The following CSMD3 variants were observed in gnomAD, a reference collection of about 807,000 sequenced individuals.
CSMD3 encodes the protein CUB and Sushi multiple domains 3.
A neutral mutation model predicts 435.2 loss-of-function variants in CSMD3; 177 were observed. The ratio of observed to expected loss-of-function variants is 0.41; its 90% CI spans 0.36 to 0.46. The LOEUF (loss-of-function observed/expected upper bound fraction) is 0.46. Ranked by LOEUF, CSMD3 falls within the 20% of genes least tolerant of loss-of-function variation. The pLI is 0.34. For missense variants in CSMD3, 4,265 were observed against 4,504.6 expected, an observed-to-expected ratio of 0.95 and a Z score of 1.52; for synonymous variants, 1,656 against 1,520.5, an observed-to-expected ratio of 1.09 and a Z score of -2.07.
chr8:112,576,557 A>G (rs989739870), intron 23 of CSMD3, among the ~76,000 whole-genome samples: 9 of 151,684 alleles, frequency 5.9e-5, no homozygotes, highest in African/African-American at 2.2e-4. Flanking sequence ...TTTTTTTGAC[A>G]GGGTGTCTGT....
intron 3 of CSMD3, among the ~76,000 whole-genome samples, chr8:113,222,549 C>T (rs372404043): frequency 6.6e-5 from 10 of 150,972 alleles, no homozygotes; most frequent in East Asian, 3.9e-4. Context: ...AAGAATTTTA[C>T]GAGGAGAAAT....
chr8:112,782,966 A>G (rs1010768396), intron 13 of CSMD3, among the ~76,000 whole-genome samples: 1 of 152,118 alleles, frequency 6.6e-6, no homozygotes, highest in African/African-American at 2.4e-5. Flanking sequence ...ATCTGAAAGA[A>G]AAAAATGTTA....
At chr8:112,935,760 G>A (rs2083262556) in intron 9 of CSMD3, among the ~76,000 whole-genome samples, 1 of 151,752 alleles carries the variant, frequency 6.6e-6, no homozygotes, top group Non-Finnish European at 1.5e-5. Context: ...TATTCTAACT[G>A]CAAGGGGGAA....
chr8:113,153,126 A>AAAGAAGGAAGGAAG (rs1429322418), intron 4 of CSMD3, among the ~76,000 whole-genome samples: 3 of 64,070 alleles, frequency 4.7e-5, no homozygotes, highest in East Asian at 4.6e-4. Flanking sequence ...AGAAAGAAAG[A>AAAGAAGGAAGGAAG]GAAAGAAGGA....
At chr8:112,812,146 G>T (rs1399255008) in intron 12 of CSMD3, among the ~76,000 whole-genome samples, 1 of 152,132 alleles carries the variant, frequency 6.6e-6, no homozygotes, top group East Asian at 1.9e-4. Flanking sequence ...GGAGGGAAAG[G>T]CAGTCTCCCA....
At chr8:113,189,990 ATAAGC>A (rs1220742787) in intron 3 of CSMD3, among the ~76,000 whole-genome samples, 12 of 151,912 alleles carry the variant, frequency 7.9e-5, no homozygotes, top group Non-Finnish European at 1.0e-4. Context: ...TTTTGCCATT[ATAAGC>A]TTTTAGAAAT....
At chr8:112,556,681 C>G in intron 25 of CSMD3, 82 bp downstream of exon 25, 2 of 1,117,318 alleles carry the variant, frequency 1.8e-6, no homozygotes, top group South Asian at 2.5e-5. Flanking sequence ...TCTATGAGGA[C>G]AGAAAGAATT....
chr8:112,667,363 T>G (rs1414227785), intron 16 of CSMD3, among the ~76,000 whole-genome samples: 1 of 152,116 alleles, frequency 6.6e-6, no homozygotes, highest in Non-Finnish European at 1.5e-5. Context: ...CGTATATTAT[T>G]TTTACCATTT....
chr8:112,490,162 C>G (rs1820545766), intron 31 of CSMD3, among the ~76,000 whole-genome samples: 2 of 152,104 alleles, frequency 1.3e-5, no homozygotes, highest in Non-Finnish European at 2.9e-5. Context: ...TTACTAGATT[C>G]TCTATATGTG....
intron 3 of CSMD3, among the ~76,000 whole-genome samples, chr8:113,257,199 G>T (rs1044242377): frequency 3.3e-5 from 5 of 152,076 alleles, no homozygotes; most frequent in African/African-American, 1.2e-4. Flanking sequence ...ACGTGGTCAG[G>T]AGATCAAGAC....
At chr8:112,295,004 G>A (rs1820128252) in intron 54 of CSMD3, among the ~76,000 whole-genome samples, 1 of 152,056 alleles carries the variant, frequency 6.6e-6, no homozygotes, top group Non-Finnish European at 1.5e-5. Context: ...CCCATCACCT[G>A]AGGAGTATAC....
intron 9 of CSMD3, among the ~76,000 whole-genome samples, chr8:112,947,479 A>G (rs1342354218): frequency 6.6e-6 from 1 of 151,594 alleles, no homozygotes; most frequent in African/African-American, 2.4e-5. Flanking sequence ...AACTTACCCA[A>G]GATCAGACAA....
chr8:112,784,925 A>G (rs1294703063), intron 13 of CSMD3, among the ~76,000 whole-genome samples: 2 of 152,090 alleles, frequency 1.3e-5, no homozygotes, highest in African/African-American at 4.8e-5. Flanking sequence ...GGACAATAGT[A>G]TCCTGATATC....
intron 1 of CSMD3, among the ~76,000 whole-genome samples, chr8:113,342,770 C>T (rs1588557773): frequency 6.6e-6 from 1 of 152,216 alleles, no homozygotes; most frequent in East Asian, 1.9e-4. Flanking sequence ...TACTCAATTT[C>T]CATGTGATAA....
At chr8:113,139,581 A>C (rs1429990360) in intron 4 of CSMD3, among the ~76,000 whole-genome samples, 2 of 151,228 alleles carry the variant, frequency 1.3e-5, no homozygotes, top group Non-Finnish European at 3.0e-5. Context: ...ATAAAACTGT[A>C]AGAAATACAC....
chr8:113,370,524 T>G (rs1376775258), intron 1 of CSMD3, among the ~76,000 whole-genome samples: 2 of 151,900 alleles, frequency 1.3e-5, no homozygotes, highest in African/African-American at 4.8e-5. Flanking sequence ...ATTGAATGCA[T>G]GTATAAATTT....
chr8:113,290,924 T>C (rs2093682163), intron 2 of CSMD3, among the ~76,000 whole-genome samples: 1 of 151,410 alleles, frequency 6.6e-6, no homozygotes, highest in Non-Finnish European at 1.5e-5. Flanking sequence ...TCTTTTACTC[T>C]ATATGAAGTA....
chr8:112,597,679 G>A, intron 22 of CSMD3, among the ~76,000 whole-genome samples: 1 of 132,800 alleles, frequency 7.5e-6, no homozygotes, highest in Non-Finnish European at 1.6e-5. Context: ...ATGATCAAGT[G>A]GGCTTCATCC....
intron 10 of CSMD3, among the ~76,000 whole-genome samples, chr8:112,894,554 T>C (rs1207741860): frequency 6.6e-6 from 1 of 151,382 alleles, no homozygotes; most frequent in Non-Finnish European, 1.5e-5. Flanking sequence ...GAAAATGAAA[T>C]TAATAATTGA....
Sources: allele counts gnomAD v4.1 joint callset (sites outside exome capture counted in the v4.1 genomes callset), GRCh38; gene constraint gnomAD v4.1.1; transcripts MANE v1.5; gene names NCBI Gene and HGNC (gene_info 2026-07-23, HGNC 2026-07-21).